Variants in HECTD2 observed in about 807,000 individuals in gnomAD.
The protein encoded by HECTD2 is HECT domain E3 ubiquitin protein ligase 2.
A neutral mutation model predicts 103.2 loss-of-function variants in HECTD2; 35 were observed. The ratio of observed to expected loss-of-function variants is 0.34; its 90% CI spans 0.26 to 0.45. The LOEUF is 0.45. HECTD2 is among the 20% of genes least tolerant of loss of function. The pLI is 1.00. For synonymous variants in HECTD2, 281 were observed against 329.9 expected (o/e 0.85, Z 1.61); for missense variants, 596 against 937.4 (o/e 0.64, Z 4.76).
chr10:91,501,594 A>G (rs971263853), intron 20 of HECTD2, among the ~76,000 whole-genome samples: 3 of 152,098 alleles, frequency 2.0e-5, no homozygotes, highest in Non-Finnish European at 4.4e-5. Flanking sequence ...ACTCTTTTAG[A>G]ACCTAGTTAC....
chr10:91,467,819 G>C (rs1450942658), intron 5 of HECTD2, among the ~76,000 whole-genome samples: 2 of 152,084 alleles, frequency 1.3e-5, no homozygotes, highest in Non-Finnish European at 2.9e-5. Context: ...CCACTGGCAT[G>C]TGGGCACCCA....
intron 20 of HECTD2, among the ~76,000 whole-genome samples, chr10:91,507,769 T>C (rs1392748931): frequency 7.6e-6 from 1 of 131,954 alleles, no homozygotes; most frequent in Non-Finnish European, 1.5e-5. Context: ...TGGAAAAAAC[T>C]ACTTTAAAGT....
chr10:91,441,787 G>A (rs1328864106), intron 2 of HECTD2, among the ~76,000 whole-genome samples: 1 of 98,090 alleles, frequency 1.0e-5, no homozygotes, highest in Non-Finnish European at 1.9e-5. Flanking sequence ...AATTCTTCTT[G>A]TTGCATTGAT....
chr10:91,471,407 CACAAG>C (rs1845722756), intron 5 of HECTD2, among the ~76,000 whole-genome samples: 1 of 152,162 alleles, frequency 6.6e-6, no homozygotes, highest in South Asian at 2.1e-4. Context: ...TTGACAACAG[CACAAG>C]ACAAGGATGC....
intron 20 of HECTD2, among the ~76,000 whole-genome samples, chr10:91,502,763 A>G (rs193167861): frequency 3.9e-5 from 6 of 152,322 alleles, no homozygotes; most frequent in Admixed American, 1.3e-4. Flanking sequence ...CAATTTTAAA[A>G]GAGTAATCTG....
chr10:91,476,032 T>G (rs1845888702), intron 5 of HECTD2, among the ~76,000 whole-genome samples: 1 of 152,180 alleles, frequency 6.6e-6, no homozygotes, highest in South Asian at 2.1e-4. Context: ...ATACAGTCCT[T>G]CAGAATTGGC....
At chr10:91,410,616 G>T in intron 1 of HECTD2, 40 bp downstream of exon 1, 2 of 1,324,466 alleles carry the variant, frequency 1.5e-6, no homozygotes, top group East Asian at 3.1e-5. Flanking sequence ...CCCGGACGGC[G>T]GGAGTTGGGA....
intron 2 of HECTD2, among the ~76,000 whole-genome samples, chr10:91,457,681 C>T (rs567269596): frequency 6.6e-6 from 1 of 151,864 alleles, no homozygotes; most frequent in South Asian, 2.1e-4. Context: ...TAGAAAAAAC[C>T]TGCAATTAAC....
chr10:91,462,540 T>A, intron 5 of HECTD2: 1 of 1,051,176 alleles, frequency 9.5e-7, no homozygotes, highest in Non-Finnish European at 1.2e-6. Flanking sequence ...GAAGGGCTTG[T>A]TAAAATACAG....
chr10:91,457,227 A>G (rs987026217), intron 2 of HECTD2, among the ~76,000 whole-genome samples: 12 of 152,076 alleles, frequency 7.9e-5, no homozygotes, highest in Admixed American at 6.6e-4. Context: ...AATTCTACCA[A>G]ATGTTTAAAG....
intron 6 of HECTD2, among the ~76,000 whole-genome samples, chr10:91,479,987 C>G (rs1233501134): frequency 1.3e-5 from 2 of 151,946 alleles, no homozygotes; most frequent in African/African-American, 2.4e-5. Flanking sequence ...GCCTGATTTT[C>G]TGTTAGAAAC....
rs375789737 is a variant in HECTD2 at position 91,512,249 on chromosome 10, A to T, written c.2211-15A>T. The T allele has an allele frequency of 4.3e-4, 686 of 1,600,078 alleles. No individual in the cohort carries two copies. The highest frequency in any genetic ancestry group is 5.1e-4 in the Non-Finnish European group (602 of 1,175,266). ...GTTTCAAGACTTAGTATTTTTTTTTAATTTTTTTCCCTAGCTTACCTGTGG... is the reference window on the plus strand; with the variant it reads ...GTTTCAAGACTTAGTATTTTTTTTTTATTTTTTTCCCTAGCTTACCTGTGG... On this transcript the variant is annotated splice_polypyrimidine_tract_variant and intron_variant, in intron 20 of 20. Transcript: ENST00000298068.
chr10:91,464,867 A>G (rs1845474656), intron 5 of HECTD2, among the ~76,000 whole-genome samples: 1 of 152,212 alleles, frequency 6.6e-6, no homozygotes, highest in South Asian at 2.1e-4. Context: ...AATATGTTAT[A>G]TATGTTAAAA....
intron 2 of HECTD2, among the ~76,000 whole-genome samples, chr10:91,434,320 G>A (rs554940305): frequency 4.6e-5 from 7 of 151,962 alleles, no homozygotes; most frequent in Non-Finnish European, 1.0e-4. Context: ...GTCATAAGCA[G>A]TACCAAAGTA....
At chr10:91,445,293 A>T (rs1844551689) in intron 2 of HECTD2, among the ~76,000 whole-genome samples, 1 of 152,168 alleles carries the variant, frequency 6.6e-6, no homozygotes, top group African/African-American at 2.4e-5. Context: ...GTCTATGAAG[A>T]TTGGAGGTTC....
chr10:91,431,727 C>T (rs993043705), intron 2 of HECTD2, among the ~76,000 whole-genome samples: 1 of 152,072 alleles, frequency 6.6e-6, no homozygotes, highest in Non-Finnish European at 1.5e-5. Flanking sequence ...GCTTTCAGCT[C>T]CATCAGCTCC....
intron 2 of HECTD2, among the ~76,000 whole-genome samples, chr10:91,445,894 C>A (rs577260488): frequency 1.3e-5 from 2 of 152,220 alleles, no homozygotes; most frequent in African/African-American, 4.8e-5. Context: ...AACCTACAGA[C>A]AAGGAGATTC....
At chr10:91,425,144 G>T in intron 1 of HECTD2, 137 bp from the exon 2 acceptor site, 1 of 656,558 alleles carries the variant, frequency 1.5e-6, no homozygotes, top group African/African-American at 1.9e-5. Flanking sequence ...GAAAAGGTAA[G>T]TCAAATTTAT....
intron 1 of HECTD2, 73 bp downstream of exon 1, chr10:91,410,649 C>G: frequency 1.6e-6 from 2 of 1,281,470 alleles, no homozygotes; most frequent in Non-Finnish European, 9.9e-7. Flanking sequence ...GGGCGAGGGC[C>G]GTCAGGAGGC....
Sources: allele counts gnomAD v4.1 joint callset (sites outside exome capture counted in the v4.1 genomes callset), GRCh38; gene constraint gnomAD v4.1.1; transcripts MANE v1.5; gene names NCBI Gene and HGNC (gene_info 2026-07-23, HGNC 2026-07-21).